ANK2: variants seen among roughly 807,000 people sequenced by gnomAD.
The protein encoded by ANK2 is ankyrin-2.
ANK2 carries 83 observed loss-of-function variants against 360.5 expected under a neutral mutation model. That is an observed-to-expected ratio of 0.23 (90% CI 0.19 to 0.28). The LOEUF is 0.28. Ranked by LOEUF, ANK2 falls within the 10% of genes least tolerant of loss-of-function variation. The pLI is 1.00. For missense variants in ANK2, 4,201 were observed against 4,795.7 expected (o/e 0.88, Z 3.66); for synonymous variants, 1,740 against 1,759.5 (o/e 0.99, Z 0.28).
chr4:113,316,027 C>A (rs1176252071), intron 24 of ANK2, among the ~76,000 whole-genome samples: 5 of 151,692 alleles, frequency 3.3e-5, no homozygotes, highest in African/African-American at 4.8e-5. Context: ...CCAGCTGAGA[C>A]AAGCTTTTGC....
chr4:113,227,018 C>T (rs562600735), intron 4 of ANK2, among the ~76,000 whole-genome samples: 38 of 152,290 alleles, frequency 2.5e-4, no homozygotes, highest in African/African-American at 8.7e-4. Flanking sequence ...GATGCATATA[C>T]ACAGAAGCCA....
chr4:112,812,160 C>T, the ANK2 span, among the ~76,000 whole-genome samples: 1 of 150,844 alleles, frequency 6.6e-6, no homozygotes, highest in Admixed American at 6.6e-5. Context: ...ACTTAACTCT[C>T]GACTAATTTT....
chr4:113,048,503 C>T (rs1310654141), upstream of ANK2, among the ~76,000 whole-genome samples: 1 of 148,108 alleles, frequency 6.8e-6, no homozygotes, highest in East Asian at 2.0e-4. Flanking sequence ...TCGAGCTCCT[C>T]ACCTTGCGAT....
In ANK2 at chr4:112,835,993, G is replaced by T. The variant is rs185787763; in HGVS notation, c.-40+17729G>T. ...GGTTTTTGCTGTGAAGGGTCATTCT[G>T]TTGGCCTTTATGGAGACTTATCTGG... On this transcript the variant is annotated intron_variant, in intron 1 of 30. Coordinates refer to the ANK2 transcript ENST00000503271. Among the ~76,000 whole-genome samples, 767 of 152,228 alleles carry T rather than the reference G, an allele frequency of 5.0e-3. 5 individuals carry two copies. Among genetic ancestry groups the T allele is most frequent in the Admixed American group, 7.8e-3 (120 of 15,302 alleles).
rs766198091 is a variant in ANK2, at chr4:113,333,038, T to G, written c.3225-16T>G. On this transcript the variant is annotated splice_polypyrimidine_tract_variant and intron_variant, in intron 28 of 45. Transcript: ENST00000357077. ...TAGCTCCTGTCCACACTGAATGTTCTGCATTGCTATGTCAGGCCTGTGATC... is the reference window on the plus strand; with the variant it reads ...TAGCTCCTGTCCACACTGAATGTTCGGCATTGCTATGTCAGGCCTGTGATC... The G allele has an allele frequency of 5.0e-6, 8 of 1,614,170 alleles. No homozygotes were observed. Among genetic ancestry groups the G allele is most frequent in the Non-Finnish European group, 6.8e-6 (8 of 1,180,004 alleles).
At chr4:112,723,012 A>G in the ANK2 span, among the ~76,000 whole-genome samples, 1 of 152,158 alleles carries the variant, frequency 6.6e-6, no homozygotes, top group Admixed American at 6.6e-5. Flanking sequence ...TCTAGAAATG[A>G]AGGAAAGAAT....
chr4:112,803,636 T>C, the ANK2 span, among the ~76,000 whole-genome samples: 1 of 152,148 alleles, frequency 6.6e-6, no homozygotes, highest in South Asian at 2.1e-4. Context: ...ACGTGCAGAA[T>C]TGTGAGAGAA....
chr4:112,867,521 T>C (rs1405191982), intron 1 of ANK2, among the ~76,000 whole-genome samples: 1 of 152,142 alleles, frequency 6.6e-6, no homozygotes, highest in Non-Finnish European at 1.5e-5. Flanking sequence ...ATTTTCATCA[T>C]GCTAAAAAGA....
chr4:113,338,178 A>T (rs2093796355), intron 31 of ANK2, among the ~76,000 whole-genome samples: 1 of 152,196 alleles, frequency 6.6e-6, no homozygotes, highest in African/African-American at 2.4e-5. Flanking sequence ...AACTTCCATA[A>T]ACTTTCTTTG....
chr4:113,123,068 A>G (rs1404108221), intron 1 of ANK2, among the ~76,000 whole-genome samples: 1 of 151,906 alleles, frequency 6.6e-6, no homozygotes, highest in Non-Finnish European at 1.5e-5. Flanking sequence ...CAGTTGAAAG[A>G]AAAAGAAAAT....
intron 1 of ANK2, among the ~76,000 whole-genome samples, chr4:113,087,999 A>C (rs2154351607): frequency 6.6e-6 from 1 of 152,318 alleles, no homozygotes; most frequent in Non-Finnish European, 1.5e-5. Flanking sequence ...ATTTCATTTC[A>C]GACTGATTTT....
Position 112,898,373 on chromosome 4 carries a change from T to C in ANK2, c.-39-6082T>C, listed in dbSNP as rs1028027151. ...CTTCATGGGCTTTCTTTGTTTTTTA[T>C]GCTCTTGACAATTTTGAGGAGTACT... On this transcript the variant is annotated intron_variant, in intron 1 of 30. Coordinates refer to the ANK2 transcript ENST00000503271. Among the ~76,000 whole-genome samples, 16 of 152,228 alleles carry C rather than the reference T, an allele frequency of 1.1e-4. 1 individual carries two copies. The highest frequency in any genetic ancestry group is 3.9e-4 in the African/African-American group (16 of 41,468).
At chr4:113,352,986 T>C in intron 37 of ANK2, 59 bp from the exon 38 acceptor site, 2 of 1,579,296 alleles carry the variant, frequency 1.3e-6, no homozygotes, top group Non-Finnish European at 1.7e-6. Context: ...CCTGATTACA[T>C]TTGCCAATAT....
the ANK2 span, among the ~76,000 whole-genome samples, chr4:112,711,684 G>A: frequency 6.6e-6 from 1 of 152,056 alleles, no homozygotes; most frequent in African/African-American, 2.4e-5. Flanking sequence ...GCCGGGTGTA[G>A]TGGAGGGCAC....
chr4:112,850,361 C>CATCCATCCACA (rs1405726716), intron 1 of ANK2, among the ~76,000 whole-genome samples: 1 of 151,264 alleles, frequency 6.6e-6, no homozygotes, highest in African/African-American at 2.4e-5. Context: ...ATCCATCCAC[C>CATCCATCCACA]CATTCATCTC....
At chr4:113,331,034 G>A (rs866858375) in intron 27 of ANK2, among the ~76,000 whole-genome samples, 5 of 151,858 alleles carry the variant, frequency 3.3e-5, no homozygotes, top group African/African-American at 4.8e-5. Context: ...AGCTTCCACC[G>A]TGCTCGTTTT....
chr4:113,169,970 G>T (rs1210428079), intron 1 of ANK2, among the ~76,000 whole-genome samples: 1 of 151,970 alleles, frequency 6.6e-6, no homozygotes, highest in Non-Finnish European at 1.5e-5. Context: ...TCTGTATTTA[G>T]TTTCTGAATT....
chr4:112,815,623 A>G (rs541787315), upstream of ANK2, among the ~76,000 whole-genome samples: 6 of 152,336 alleles, frequency 3.9e-5, no homozygotes, highest in South Asian at 1.2e-3. Context: ...CCATGTGATT[A>G]GAGGATTTAA....
intron 1 of ANK2, among the ~76,000 whole-genome samples, chr4:113,120,937 A>G (rs1233652361): frequency 6.6e-6 from 1 of 152,214 alleles, no homozygotes; most frequent in Non-Finnish European, 1.5e-5. Flanking sequence ...ACCATTTCTC[A>G]GCACAGACAA....
Sources: gnomAD v4.1 joint callset for allele counts (sites outside exome capture counted in the v4.1 genomes callset) on GRCh38, gnomAD v4.1.1 for gene constraint, MANE v1.5 for transcripts, NCBI Gene and HGNC (gene_info 2026-07-23, HGNC 2026-07-21) for gene names.